GRHL2: variants seen among roughly 807,000 people sequenced by gnomAD.
GRHL2 encodes the protein grainyhead-like protein 2 homolog.
A neutral mutation model predicts 83.8 loss-of-function variants in GRHL2; 21 were observed. That is an observed-to-expected ratio of 0.25 (90% CI 0.18 to 0.36). The LOEUF is 0.36. Among genes scored for constraint, GRHL2 ranks in the 10% least tolerant of loss-of-function variants. GRHL2 has a pLI of 1.00. For synonymous variants in GRHL2, 280 were observed against 278.9 expected (o/e 1.00, Z -0.04); for missense variants, 623 against 781.8 (o/e 0.80, Z 2.42).
chr8:101,554,281 G>C (rs1586089459), intron 3 of GRHL2, among the ~76,000 whole-genome samples: 1 of 152,296 alleles, frequency 6.6e-6, no homozygotes, highest in East Asian at 1.9e-4. Flanking sequence ...TGGAAGAAGA[G>C]GCTGACACTC....
At chr8:101,510,143 C>T (rs1810433738) in intron 1 of GRHL2, among the ~76,000 whole-genome samples, 1 of 152,086 alleles carries the variant, frequency 6.6e-6, no homozygotes, top group Non-Finnish European at 1.5e-5. Flanking sequence ...ACTACAGGCT[C>T]ACACCACCAT....
intron 11 of GRHL2, among the ~76,000 whole-genome samples, chr8:101,632,921 T>C (rs1813216111): frequency 6.6e-6 from 1 of 152,222 alleles, no homozygotes; most frequent in South Asian, 2.1e-4. Context: ...ACGAAAGATC[T>C]CAAACTAACA....
chr8:101,558,376 A>AT (rs1811530282), intron 3 of GRHL2, 43 bp from the exon 4 acceptor site: 1 of 1,611,780 alleles, frequency 6.2e-7, no homozygotes, highest in Non-Finnish European at 8.5e-7. Context: ...CCGAATGGTG[A>AT]TTTTTCTAAT....
chr8:101,678,873 T>C, the GRHL2 span, among the ~76,000 whole-genome samples: 1 of 145,154 alleles, frequency 6.9e-6, no homozygotes, highest in African/African-American at 2.6e-5. Flanking sequence ...TCCTGTCTGT[T>C]AGAAGGAAAA....
At chr8:101,658,264 C>A (rs990138373) in intron 14 of GRHL2, among the ~76,000 whole-genome samples, 1 of 152,194 alleles carries the variant, frequency 6.6e-6, no homozygotes, top group South Asian at 2.1e-4. Flanking sequence ...GTCTGTGAGT[C>A]TTGCCCCCAA....
intron 12 of GRHL2, among the ~76,000 whole-genome samples, chr8:101,642,968 C>T (rs1813431976): frequency 6.6e-6 from 1 of 152,156 alleles, no homozygotes; most frequent in Non-Finnish European, 1.5e-5. Flanking sequence ...CTGGTCCGGG[C>T]TCCTACAGCA....
At chr8:101,544,021 G>C (rs899890475) in intron 2 of GRHL2, 1 of 160,602 alleles carries the variant, frequency 6.2e-6, no homozygotes, top group Non-Finnish European at 1.4e-5. Flanking sequence ...CACGAGAACA[G>C]TATGGGGGAA....
intron 7 of GRHL2, among the ~76,000 whole-genome samples, chr8:101,587,537 T>C (rs1020969847): frequency 1.3e-5 from 2 of 152,352 alleles, no homozygotes; most frequent in Middle Eastern, 3.4e-3. Context: ...TTGAGTTGTT[T>C]TTCCCCTAAC....
At chr8:101,554,794 A>G (rs954903912) in intron 3 of GRHL2, among the ~76,000 whole-genome samples, 1 of 152,222 alleles carries the variant, frequency 6.6e-6, no homozygotes, top group Non-Finnish European at 1.5e-5. Flanking sequence ...TTCTTGTATT[A>G]TAATATTTGG....
rs534170245 is a variant in GRHL2, at chr8:101,539,473, C to T, written c.21-3768C>T. 3.0e-3 allele frequency among the ~76,000 whole-genome samples: 452 copies of T among 152,228 alleles called. 1 individual carries two copies. The highest frequency in any genetic ancestry group is 4.9e-3 in the Non-Finnish European group (336 of 68,014). On this transcript the variant is annotated intron_variant, in intron 1 of 15. Transcript: ENST00000646743. ...CCCCAACTAATCAATCGTGGGGGGC[C>T]GGTGACATTGTCACAGCCAGGGCCC...
intron 1 of GRHL2, among the ~76,000 whole-genome samples, chr8:101,536,934 C>A (rs543870704): frequency 2.6e-5 from 4 of 151,998 alleles, no homozygotes; most frequent in Non-Finnish European, 4.4e-5. Flanking sequence ...CCCCTCACCC[C>A]CCGCCCTCTG....
intron 14 of GRHL2, among the ~76,000 whole-genome samples, chr8:101,663,865 A>G (rs1377524664): frequency 2.0e-5 from 3 of 151,594 alleles, no homozygotes; most frequent in African/African-American, 7.3e-5. Flanking sequence ...TTCTGTTGCA[A>G]AAATGTTTCC....
chr8:101,580,704 A>AT (rs1003568998), intron 7 of GRHL2, among the ~76,000 whole-genome samples: 2 of 151,826 alleles, frequency 1.3e-5, no homozygotes, highest in Admixed American at 6.6e-5. Flanking sequence ...ATTTTATTTT[A>AT]TTTATTTATT....
At chr8:101,499,209 G>C (rs1810172047) in intron 1 of GRHL2, among the ~76,000 whole-genome samples, 1 of 152,156 alleles carries the variant, frequency 6.6e-6, no homozygotes, top group Non-Finnish European at 1.5e-5. Flanking sequence ...TGGATGTTAG[G>C]TTGTTAAATT....
At chr8:101,638,549 G>A (rs1335987523) in intron 12 of GRHL2, among the ~76,000 whole-genome samples, 2 of 152,170 alleles carry the variant, frequency 1.3e-5, no homozygotes, top group Admixed American at 1.3e-4. Flanking sequence ...CATATGGCCT[G>A]CAAAGTCTAA....
chr8:101,593,025 C>T (rs1178840037), intron 7 of GRHL2, among the ~76,000 whole-genome samples: 3 of 152,114 alleles, frequency 2.0e-5, no homozygotes, highest in African/African-American at 4.8e-5. Flanking sequence ...CGGCTCACTG[C>T]AACCTGTGCC....
intron 1 of GRHL2, among the ~76,000 whole-genome samples, chr8:101,538,024 T>C (rs1318497129): frequency 4.6e-5 from 7 of 152,212 alleles, no homozygotes; most frequent in Non-Finnish European, 1.5e-5. Context: ...TAAGAAGCCC[T>C]GACCCGGAAG....
In GRHL2 at chr8:101,558,678, C is replaced by T; in HGVS notation, c.544C>T (p.Gln182Ter). ...CTATCCCCGGGGAGATGGGGAAGAG[C>T]AACGAGTGGTTATCTTTGAACAGAC... Reference protein sequence around the residue: ...VHYPRGDGEEQRVVIFEQTQY... With the variant: ...VHYPRGDGEE Residue 182 changes from glutamine to a stop codon, truncating the protein, a stop_gained, in exon 4 of 16, where the codon CAA becomes TAA. Coordinates refer to ENST00000646743, the MANE Select transcript of GRHL2 (RefSeq NM_024915.4). LOFTEE classifies it high-confidence loss of function. The T allele has an allele frequency of 1.2e-6, 2 of 1,614,184 alleles. No homozygotes were observed. Among genetic ancestry groups the T allele is most frequent in the Non-Finnish European group, 8.5e-7 (1 of 1,180,028 alleles).
chr8:101,636,527 C>G (rs11993425), intron 11 of GRHL2, among the ~76,000 whole-genome samples: 1 of 152,074 alleles, frequency 6.6e-6, no homozygotes, highest in South Asian at 2.1e-4. Context: ...AAAGCCAGAG[C>G]CTTTGTAAAC....
Sources: gnomAD v4.1 joint callset for allele counts (sites outside exome capture counted in the v4.1 genomes callset) on GRCh38, gnomAD v4.1.1 for gene constraint, MANE v1.5 for transcripts, NCBI Gene and HGNC (gene_info 2026-07-23, HGNC 2026-07-21) for gene names.